The following PRKG1 variants were observed in gnomAD, a reference collection of about 807,000 sequenced individuals.
PRKG1 encodes cGMP-dependent protein kinase 1.
A neutral mutation model predicts 88.1 loss-of-function variants in PRKG1; 35 were observed. That is an observed-to-expected ratio of 0.40 (90% CI 0.30 to 0.53). The LOEUF is 0.53. PRKG1 is among the 20% of genes least tolerant of loss of function. The pLI is 0.59. For synonymous variants in PRKG1, 303 were observed against 292.5 expected, an observed-to-expected ratio of 1.04 and a Z score of -0.37; for missense variants, 540 against 839.8, an observed-to-expected ratio of 0.64 and a Z score of 4.41.
chr10:51,729,917 A>C (rs979514406), intron 3 of PRKG1, among the ~76,000 whole-genome samples: 1 of 152,050 alleles, frequency 6.6e-6, no homozygotes, highest in African/African-American at 2.4e-5. Flanking sequence ...GAGATTTTTC[A>C]TGTACTCCCT....
chr10:51,434,712 T>G (rs1301030357), intron 2 of PRKG1, among the ~76,000 whole-genome samples: 1 of 152,130 alleles, frequency 6.6e-6, no homozygotes, highest in Non-Finnish European at 1.5e-5. Context: ...TTAGGAATTA[T>G]GGGATGTTCA....
At chr10:51,030,102 CTTCCTTCAG>C (rs1341822070) in intron 1 of PRKG1, among the ~76,000 whole-genome samples, 1 of 151,962 alleles carries the variant, frequency 6.6e-6, no homozygotes, top group Admixed American at 6.6e-5. Flanking sequence ...TTCTATGATG[CTTCCTTCAG>C]TAGATTTTCA....
At chr10:51,560,007 C>A (rs16919643) in intron 3 of PRKG1, among the ~76,000 whole-genome samples, 1 of 152,114 alleles carries the variant, frequency 6.6e-6, no homozygotes, top group East Asian at 1.9e-4. Context: ...GCAACAGTGA[C>A]GTACTTTGAC....
intron 1 of PRKG1, among the ~76,000 whole-genome samples, chr10:51,086,588 C>G (rs569405051): frequency 1.3e-5 from 2 of 152,130 alleles, no homozygotes; most frequent in Non-Finnish European, 2.9e-5. Context: ...CATTATATAA[C>G]CACGATAGTT....
intron 3 of PRKG1, among the ~76,000 whole-genome samples, chr10:51,500,961 CA>C (rs1465797171): frequency 1.3e-5 from 2 of 152,040 alleles, no homozygotes; most frequent in African/African-American, 2.4e-5. Context: ...ATTTTAGTGG[CA>C]AAAAAGACAG....
intron 3 of PRKG1, among the ~76,000 whole-genome samples, chr10:51,575,135 C>T (rs1057083246): frequency 6.6e-6 from 1 of 151,934 alleles, no homozygotes; most frequent in African/African-American, 2.4e-5. Flanking sequence ...ACAGTGATGC[C>T]TGTGGTACTG....
At chr10:51,197,446 A>G (rs957286635) in intron 2 of PRKG1, among the ~76,000 whole-genome samples, 9 of 151,674 alleles carry the variant, frequency 5.9e-5, no homozygotes, top group Non-Finnish European at 1.0e-4. Flanking sequence ...TAATTTTTGT[A>G]TTTTTAATAG....
intron 7 of PRKG1, among the ~76,000 whole-genome samples, chr10:52,117,164 C>CTGTGTGTGTGTGTGTGTGTGTGTG (rs71459438): frequency 7.2e-6 from 1 of 139,200 alleles, no homozygotes; most frequent in East Asian, 2.3e-4. Flanking sequence ...TGTGAAATAT[C>CTGTGTGTGTGTGTGTGTGTGTGTG]TGTGTGTGTG....
intron 1 of PRKG1, among the ~76,000 whole-genome samples, chr10:51,032,362 T>A (rs1486122065): frequency 6.6e-6 from 1 of 152,158 alleles, no homozygotes; most frequent in Non-Finnish European, 1.5e-5. Flanking sequence ...TTTCATCTTT[T>A]TTTTTTTGCC....
At chr10:52,237,130 A>G (rs1840707713) in intron 9 of PRKG1, among the ~76,000 whole-genome samples, 2 of 82,150 alleles carry the variant, frequency 2.4e-5, no homozygotes, top group African/African-American at 3.5e-5. Flanking sequence ...CCTTCATGCT[A>G]AAAACTCTCA....
At chr10:51,440,506 G>C (rs1021847503) in intron 2 of PRKG1, among the ~76,000 whole-genome samples, 19 of 151,894 alleles carry the variant, frequency 1.3e-4, no homozygotes, top group Admixed American at 1.1e-3. Context: ...AAGATTTCAA[G>C]AGACTACATG....
chr10:51,867,609 A>G (rs1303961919), intron 4 of PRKG1, among the ~76,000 whole-genome samples: 13 of 152,182 alleles, frequency 8.5e-5, no homozygotes, highest in Admixed American at 3.9e-4. Flanking sequence ...GAAGGAGTCT[A>G]GGAAACTGCC....
In PRKG1 at chr10:51,938,263, T is replaced by C. The variant is rs941521795; in HGVS notation, c.762+30693T>C. 5.3e-5 allele frequency among the ~76,000 whole-genome samples: 8 copies of C among 152,196 alleles called. No homozygotes were observed. The South Asian group carries it at 8.3e-4, about 16-fold the overall frequency. ...TATGTTGTTAAAATTGTTGTATTTC[T>C]TATTAGTTATTAGTCTCTTACTGTG... On this transcript the variant is annotated intron_variant, in intron 5 of 17. Coordinates refer to ENST00000373980, the MANE Select transcript of PRKG1 (RefSeq NM_006258.4).
intron 9 of PRKG1, among the ~76,000 whole-genome samples, chr10:52,181,390 A>C (rs1839021447): frequency 6.7e-6 from 1 of 148,828 alleles, no homozygotes; most frequent in Admixed American, 6.7e-5. Flanking sequence ...ATTTATAATG[A>C]AAAGAGGTTT....
intron 1 of PRKG1, among the ~76,000 whole-genome samples, chr10:51,022,774 C>CA (rs1843157591): frequency 6.6e-6 from 1 of 152,118 alleles, no homozygotes; most frequent in Non-Finnish European, 1.5e-5. Context: ...TTAATTGACT[C>CA]AAAGTAGAAC....
At chr10:52,190,016 A>G (rs1018089637) in intron 9 of PRKG1, among the ~76,000 whole-genome samples, 3 of 152,196 alleles carry the variant, frequency 2.0e-5, no homozygotes, top group Non-Finnish European at 2.9e-5. Flanking sequence ...TATTTATTGG[A>G]GACATAGTAT....
chr10:52,082,156 T>C lies in PRKG1; in HGVS notation c.935+19525T>C, dbSNP rs1013694087. ...AACCCCTTTTATTTAATAAATCACA[T>C]CTTGTGACAAATGACTCAGTATCGA... On this transcript the variant is annotated intron_variant, in intron 7 of 17. Coordinates refer to ENST00000373980, the MANE Select transcript of PRKG1 (RefSeq NM_006258.4). Among the ~76,000 whole-genome samples the C allele has an allele frequency of 2.6e-5, 4 of 152,042 alleles. 1 individual carries two copies. The highest frequency in any genetic ancestry group is 4.1e-4 in the South Asian group (2 of 4,826).
At chr10:51,043,093 G>A (rs1285479292) in intron 1 of PRKG1, among the ~76,000 whole-genome samples, 2 of 152,150 alleles carry the variant, frequency 1.3e-5, no homozygotes, top group East Asian at 1.9e-4. Context: ...CAAGGGACAA[G>A]GGGATTGAGC....
intron 2 of PRKG1, among the ~76,000 whole-genome samples, chr10:51,168,207 G>T (rs988132755): frequency 5.3e-5 from 8 of 151,894 alleles, no homozygotes; most frequent in Non-Finnish European, 8.8e-5. Flanking sequence ...TATCTTTTTT[G>T]TCTTCTTCTG....
Sources: gnomAD v4.1 joint callset for allele counts (sites outside exome capture counted in the v4.1 genomes callset) on GRCh38, gnomAD v4.1.1 for gene constraint, MANE v1.5 for transcripts, NCBI Gene and HGNC (gene_info 2026-07-23, HGNC 2026-07-21) for gene names.